MYO16: variants seen among roughly 807,000 people sequenced by gnomAD.
The protein encoded by MYO16 is myosin XVI.
In MYO16, 94 loss-of-function variants were observed where a neutral mutation model predicts 205.3. That is an observed-to-expected ratio of 0.46 (90% confidence interval 0.39 to 0.54). MYO16 has a LOEUF of 0.54. MYO16 is among the 20% of genes least tolerant of loss of function. MYO16 has a pLI of 0.00. For missense variants in MYO16, 2,315 were observed against 2,387.5 expected, an observed-to-expected ratio of 0.97 and a Z score of 0.63; for synonymous variants, 988 against 954.0, an observed-to-expected ratio of 1.04 and a Z score of -0.66.
At chr13:109,122,405 G>A (rs912221107) in intron 29 of MYO16, among the ~76,000 whole-genome samples, 3 of 152,146 alleles carry the variant, frequency 2.0e-5, no homozygotes, top group Admixed American at 6.5e-5. Flanking sequence ...AAGGTCGGGC[G>A]CAGTGGCTCA....
At chr13:108,501,583 T>C in the MYO16 span, among the ~76,000 whole-genome samples, 1 of 152,224 alleles carries the variant, frequency 6.6e-6, no homozygotes, top group African/African-American at 2.4e-5. Flanking sequence ...TAGCACCTTT[T>C]AAAAGAAGAA....
chr13:108,931,188 A>G (rs1234530972), intron 16 of MYO16, among the ~76,000 whole-genome samples: 1 of 152,072 alleles, frequency 6.6e-6, no homozygotes, highest in African/African-American at 2.4e-5. Context: ...TTTATGATGG[A>G]AAAAATTCTA....
In MYO16 at chr13:108,910,151, G is replaced by A. The variant is rs868526943; in HGVS notation, c.1925+1G>A. 6.2e-7 allele frequency: 1 copy of A among 1,610,780 alleles called. No homozygotes were observed. The highest frequency in any genetic ancestry group is 8.5e-7 in the Non-Finnish European group (1 of 1,178,102). On this transcript the variant is annotated splice_donor_variant, in intron 16 of 34. Coordinates refer to ENST00000457511, the MANE Select transcript of MYO16 (RefSeq NM_001198950.3). LOFTEE classifies it high-confidence loss of function. ...ATCTTAATAATTTATGTGCACACCG[G>A]TGAGTGACTAAGTATTTTGTATCTA...
At chr13:108,957,151 C>T (rs7990861) in intron 16 of MYO16, among the ~76,000 whole-genome samples, 10 of 152,046 alleles carry the variant, frequency 6.6e-5, no homozygotes, top group South Asian at 2.1e-4. Context: ...TTTGGGAGGC[C>T]GAGGTGGGTG....
chr13:108,524,776 G>A, the MYO16 span, among the ~76,000 whole-genome samples: 1 of 152,008 alleles, frequency 6.6e-6, no homozygotes, highest in Non-Finnish European at 1.5e-5. Flanking sequence ...CAGGGGTAAT[G>A]ACATATATGA....
At position 109,127,727 on chromosome 13, in the gene MYO16, T is replaced by A; in HGVS notation, c.4051+177T>A. 1 of 651,130 alleles carries A rather than the reference T, an allele frequency of 1.5e-6. No homozygotes were observed. The highest frequency in any genetic ancestry group is 2.5e-6 in the Non-Finnish European group (1 of 406,498). The allele number at this position is 651,130 out of a possible 1,614,324, so 40.3% of individuals were successfully genotyped here. ...TATAAATAATATTTATTCAAATCTC[T>A]AAGCCTCTTAGGGAAAAGCTACTTA... On this transcript the variant is annotated intron_variant, in intron 31 of 34. Transcript: ENST00000457511. This position sits in a 1 kb window ranked among gnomAD's most constrained non-coding sequence, Gnocchi z 4.2.
intron 20 of MYO16, among the ~76,000 whole-genome samples, chr13:108,972,351 C>CATAT (rs869041443): frequency 6.3e-4 from 11 of 17,448 alleles, no homozygotes; most frequent in Non-Finnish European, 8.9e-4. Context: ...TATATATAGC[C>CATAT]ATATATATAT....
At chr13:108,956,803 AGACTCTATCTC>A (rs1228032047) in intron 16 of MYO16, among the ~76,000 whole-genome samples, 2 of 152,042 alleles carry the variant, frequency 1.3e-5, no homozygotes, top group Admixed American at 1.3e-4. Context: ...ACTTATACCT[AGACTCTATCTC>A]TCTGATTTTA....
intron 33 of MYO16, among the ~76,000 whole-genome samples, chr13:109,177,796 G>A (rs374663193): frequency 1.2e-4 from 18 of 152,198 alleles, no homozygotes; most frequent in African/African-American, 3.4e-4. Context: ...GATTACAGGC[G>A]TGAGCCAGTG....
intron 2 of MYO16, among the ~76,000 whole-genome samples, chr13:108,666,463 C>CT (rs1354447370): frequency 6.6e-6 from 1 of 151,526 alleles, no homozygotes; most frequent in Middle Eastern, 3.2e-3. Flanking sequence ...GTTAGGGAAA[C>CT]TTTTTATCAA....
chr13:108,625,410 T>C (rs147837068), upstream of MYO16, among the ~76,000 whole-genome samples: 187 of 152,298 alleles, frequency 1.2e-3, no homozygotes, highest in African/African-American at 4.2e-3. Flanking sequence ...GCTGATTCTA[T>C]AGCAAGAGCT....
intron 23 of MYO16, among the ~76,000 whole-genome samples, chr13:109,022,397 G>A (rs1594476996): frequency 5.2e-4 from 3 of 5,736 alleles, no homozygotes; most frequent in Non-Finnish European, 1.7e-3. Context: ...ATACATATAT[G>A]TATATATGTA....
chr13:108,890,738 C>A (rs1443696976), intron 14 of MYO16, among the ~76,000 whole-genome samples: 1 of 152,214 alleles, frequency 6.6e-6, no homozygotes, highest in Admixed American at 6.5e-5. Context: ...ACCAGAGACT[C>A]CTTTGCTCAA....
intron 4 of MYO16, among the ~76,000 whole-genome samples, chr13:108,780,805 C>A (rs1471201855): frequency 6.6e-6 from 1 of 152,224 alleles, no homozygotes; most frequent in Admixed American, 6.5e-5. Flanking sequence ...GTTAGCAACT[C>A]TCAGAAAGGC....
intron 2 of MYO16, among the ~76,000 whole-genome samples, chr13:108,696,287 G>C (rs1013564605): frequency 2.0e-5 from 3 of 152,154 alleles, no homozygotes; most frequent in Non-Finnish European, 4.4e-5. Context: ...GTGCAAGAAT[G>C]TTAATAGCAG....
chr13:108,597,706 G>T (rs2139294015), intron 1 of MYO16, among the ~76,000 whole-genome samples: 1 of 152,190 alleles, frequency 6.6e-6, no homozygotes, highest in Non-Finnish European at 1.5e-5. Flanking sequence ...AGTCAGCCAT[G>T]GTTTGCTTTT....
chr13:108,703,938 T>C (rs2139526026), intron 2 of MYO16, among the ~76,000 whole-genome samples: 1 of 152,250 alleles, frequency 6.6e-6, no homozygotes, highest in African/African-American at 2.4e-5. Context: ...TGGGCTCAAA[T>C]CTAATATGAC....
intron 20 of MYO16, among the ~76,000 whole-genome samples, chr13:108,991,066 G>A (rs777946952): frequency 3.9e-5 from 6 of 152,186 alleles, no homozygotes; most frequent in Admixed American, 2.6e-4. Context: ...AGAAAATTAC[G>A]ACAGCAGTTG....
chr13:108,997,614 G>A (rs897256071), intron 21 of MYO16, among the ~76,000 whole-genome samples: 3 of 151,956 alleles, frequency 2.0e-5, no homozygotes, highest in South Asian at 4.2e-4. Flanking sequence ...CAAGGCGGTC[G>A]GATCACTTGA....
Sources: allele counts gnomAD v4.1 joint callset (sites outside exome capture counted in the v4.1 genomes callset), GRCh38; gene constraint gnomAD v4.1.1; non-coding constraint Gnocchi (gnomAD v3.1); transcripts MANE v1.5; gene names NCBI Gene and HGNC (gene_info 2026-07-23, HGNC 2026-07-21).